MACC1: variants seen among roughly 807,000 people sequenced by gnomAD.
MACC1 encodes MET transcriptional regulator MACC1.
In MACC1, 79 loss-of-function variants were observed where a neutral mutation model predicts 70.7. That is an observed-to-expected ratio of 1.12 (90% confidence interval 0.93 to 1.35). The LOEUF (loss-of-function observed/expected upper bound fraction) is 1.35, where lower values mean the gene tolerates loss of function less well. Ranked by LOEUF, MACC1 falls within the 40% of genes most tolerant of loss-of-function variation. MACC1 has a pLI of 0.00. For missense variants in MACC1, 1,106 were observed against 978.1 expected, an observed-to-expected ratio of 1.13 and a Z score of -1.74; for synonymous variants, 361 against 347.2, an observed-to-expected ratio of 1.04 and a Z score of -0.44.
chr7:20,157,285 T>C (rs1364951583), intron 5 of MACC1, among the ~76,000 whole-genome samples: 1 of 152,122 alleles, frequency 6.6e-6, no homozygotes, highest in East Asian at 1.9e-4. Flanking sequence ...TATAAAATAT[T>C]GAATTTCTAC....
chr7:20,140,959 G>A lies in MACC1; in HGVS notation c.2546C>T (p.Ser849Phe). Residue 849 changes from serine (S) to phenylalanine (F), a missense_variant, in exon 7 of 7, where the codon TCT (serine) becomes TTT (phenylalanine). By Grantham distance (155) the Ser-to-Phe change is radical. Transcript: ENST00000400331. Reference sequence around the variant, plus strand: ...CACGCTTTGTTTCTATACTTCCTCAGAAGTGGAGAATGCAGTTACTCTCAA... The same window carrying A: ...CACGCTTTGTTTCTATACTTCCTCAAAAGTGGAGAATGCAGTTACTCTCAA... ...EVLRVTAFST[S>F]EEV The A allele has an allele frequency of 6.2e-7, 1 of 1,612,124 alleles. No individual in the cohort carries two copies. Among genetic ancestry groups the A allele is most frequent in the Non-Finnish European group, 8.5e-7 (1 of 1,178,862 alleles).
intron 1 of MACC1, among the ~76,000 whole-genome samples, chr7:20,175,724 C>G (rs1463960444): frequency 2.0e-5 from 3 of 152,108 alleles, no homozygotes; most frequent in Non-Finnish European, 2.9e-5. Context: ...GGCTTTTCTT[C>G]TATTTCTCCT....
intron 1 of MACC1, among the ~76,000 whole-genome samples, chr7:20,213,310 C>T (rs1047729825): frequency 1.3e-5 from 2 of 152,188 alleles, no homozygotes; most frequent in African/African-American, 4.8e-5. Flanking sequence ...AAAAGGAACG[C>T]TTATATGCCA....
At chr7:20,172,228 C>T (rs1251610984) in intron 1 of MACC1, among the ~76,000 whole-genome samples, 3 of 152,272 alleles carry the variant, frequency 2.0e-5, no homozygotes, top group Non-Finnish European at 4.4e-5. Flanking sequence ...AATGAACATA[C>T]GGGTTACAAG....
At chr7:20,154,165 T>A in intron 6 of MACC1, 28 bp downstream of exon 6, 1 of 1,611,986 alleles carries the variant, frequency 6.2e-7, no homozygotes, top group Non-Finnish European at 8.5e-7. Flanking sequence ...AACTTTTCAC[T>A]ATTGAATTAC....
Position 20,159,251 on chromosome 7 carries a change from G to A in MACC1, c.1110C>T (p.Thr370=), listed in dbSNP as rs1562585798. 6.2e-7 allele frequency: 1 copy of A among 1,613,848 alleles called. No homozygotes were observed. The highest frequency in any genetic ancestry group is 8.5e-7 in the Non-Finnish European group (1 of 1,179,952). ...ATTTGGGTCCATAAATTCCAATTGAGGTGGTTTTGTGGATATAATCCCAAA... is the reference window on the plus strand; with the variant it reads ...ATTTGGGTCCATAAATTCCAATTGAAGTGGTTTTGTGGATATAATCCCAAA... ...ATIWDYIHKT[T]SIGIYGPKYI... The change falls in exon 5 of 7, where the codon ACC becomes ACT. Residue 370 remains threonine (T), a synonymous_variant. Coordinates refer to ENST00000400331, the MANE Select transcript of MACC1 (RefSeq NM_182762.4).
intron 1 of MACC1, among the ~76,000 whole-genome samples, chr7:20,179,050 T>C (rs544897764): frequency 2.0e-5 from 3 of 152,230 alleles, no homozygotes; most frequent in African/African-American, 7.2e-5. Context: ...TTAACTTTTA[T>C]GAACTTTTAT....
chr7:20,162,726 A>G (rs905389016), intron 3 of MACC1, among the ~76,000 whole-genome samples: 3 of 152,174 alleles, frequency 2.0e-5, no homozygotes, highest in Non-Finnish European at 4.4e-5. Context: ...TTTGTTGTGC[A>G]TGCTAAAAAA....
Position 20,159,280 on chromosome 7 carries a change from T to C in MACC1, c.1081A>G (p.Thr361Ala). 6.2e-7 allele frequency: 1 copy of C among 1,614,062 alleles called. No homozygotes were observed. Among genetic ancestry groups the C allele is most frequent in the Non-Finnish European group, 8.5e-7 (1 of 1,179,994 alleles). The stretch of plus-strand genomic sequence containing the variant: ...GTTTTGTGGATATAATCCCAAATGG[T>C]GGCAGCTGGTGACGGAAGAGCTTTA... ...QAKALPSPAA[T>A]IWDYIHKTTS... Residue 361 changes from threonine (T) to alanine (A), a missense_variant, in exon 5 of 7, where the codon ACC (threonine) becomes GCC (alanine). Transcript: ENST00000400331.
chr7:20,161,737 A>T lies in MACC1; in HGVS notation c.115+11T>A, dbSNP rs748847397. On this transcript the variant is annotated intron_variant, in intron 4 of 6. Transcript: ENST00000400331. Reference sequence around the variant, plus strand: ...ACATGGACAAATCACAACAGTTATAAATTCCCATACCTGTAATATTGCAAC... The same window carrying T: ...ACATGGACAAATCACAACAGTTATATATTCCCATACCTGTAATATTGCAAC... 6.6e-7 allele frequency: 1 copy of T among 1,525,472 alleles called. No individual in the cohort carries two copies. The highest frequency in any genetic ancestry group is 2.3e-5 in the East Asian group (1 of 44,202). 94.5% of individuals were successfully genotyped at this position (1,525,472 alleles called of 1,614,324 possible). A position where few individuals can be genotyped will look rare whatever the true frequency, so the allele number is the denominator to read the frequency against.
rs567845310 is a variant in MACC1 at position 20,143,727 on chromosome 7, G to T, written c.2347-2569C>A. On this transcript the variant is annotated intron_variant, in intron 6 of 6. Coordinates refer to ENST00000400331, the MANE Select transcript of MACC1 (RefSeq NM_182762.4). The stretch of plus-strand genomic sequence containing the variant: ...TTTGTACTAACAACAGAGTAGTGTC[G>T]ATAGCTCTTGCAAATCAGAGAAATT... Among the ~76,000 whole-genome samples the T allele has an allele frequency of 1.4e-4, 21 of 152,158 alleles. No individual in the cohort carries two copies. The South Asian group carries it at 4.1e-3, about 30-fold the overall frequency.
At position 20,136,539 on chromosome 7, in the gene MACC1, G is replaced by A. The variant is rs898585016; in HGVS notation, c.*4407C>T. The A allele has an allele frequency of 6.6e-6, 1 of 152,138 alleles. No homozygotes were observed. Among genetic ancestry groups the A allele is most frequent in the Admixed American group, 6.5e-5 (1 of 15,280 alleles). The allele number at this position is 152,138 out of a possible 1,614,324, so 9.4% of individuals were successfully genotyped here. On this transcript the variant is annotated 3_prime_UTR_variant, in exon 7 of 7. Coordinates refer to ENST00000400331, the MANE Select transcript of MACC1 (RefSeq NM_182762.4). ...GATGCTGAACATCAGATACATTTCA[G>A]ATGCTGTATGTGTACAAATTCAACT...
Position 20,159,407 on chromosome 7 carries a change from G to T in MACC1, c.954C>A (p.Gly318=). ...AGCAGTTGCTTAAAACTTTAAAAGG[G>T]CCTTCTTTACCCAAGCTGTGTAAAC... ...MVCLHSLGKE[G]PFKVLSNCYI... Residue 318 remains glycine, a synonymous_variant, in exon 5 of 7, where the codon GGC becomes GGA. Coordinates refer to ENST00000400331, the MANE Select transcript of MACC1 (RefSeq NM_182762.4). The T allele has an allele frequency of 6.2e-7, 1 of 1,613,910 alleles. No homozygotes were observed. The highest frequency in any genetic ancestry group is 8.5e-7 in the Non-Finnish European group (1 of 1,180,002).
chr7:20,205,815 C>T (rs546486827), intron 1 of MACC1, among the ~76,000 whole-genome samples: 3 of 152,094 alleles, frequency 2.0e-5, no homozygotes, highest in African/African-American at 7.2e-5. Flanking sequence ...CAACCAAGAC[C>T]CCTCCCCAGA....
intron 1 of MACC1, among the ~76,000 whole-genome samples, chr7:20,195,628 A>C (rs1410625041): frequency 1.3e-5 from 2 of 152,196 alleles, no homozygotes; most frequent in Non-Finnish European, 2.9e-5. Flanking sequence ...TAGGACACAA[A>C]GGCACACAAG....
chr7:20,157,942 T>C lies in MACC1; in HGVS notation c.2157+262A>G, dbSNP rs547969390. On this transcript the variant is annotated intron_variant, in intron 5 of 6. Coordinates refer to ENST00000400331, the MANE Select transcript of MACC1 (RefSeq NM_182762.4). ...ACAGGAAGAGAAGTTGTATCTGAAC[T>C]GTTAAGCCCAGCACAAACAGAACTT... Among the ~76,000 whole-genome samples, 9 of 152,314 alleles carry C rather than the reference T, an allele frequency of 5.9e-5. No individual in the cohort carries two copies. The East Asian group carries it at 1.4e-3, about 23-fold the overall frequency.
chr7:20,208,962 G>T (rs77277467), intron 1 of MACC1, among the ~76,000 whole-genome samples: 2,293 of 152,344 alleles, frequency 0.015, 20 homozygotes, highest in Non-Finnish European at 0.022. Context: ...TCCAGAGACT[G>T]CAAGCCCCAA....
chr7:20,178,630 G>A (rs550027327), intron 1 of MACC1, among the ~76,000 whole-genome samples: 5 of 152,102 alleles, frequency 3.3e-5, no homozygotes, highest in South Asian at 2.1e-4. Context: ...ATGGAGTTTC[G>A]CTCTTGTTGC....
intron 1 of MACC1, among the ~76,000 whole-genome samples, chr7:20,211,868 G>A (rs1002598973): frequency 1.3e-5 from 2 of 152,062 alleles, no homozygotes; most frequent in African/African-American, 4.8e-5. Flanking sequence ...ATGAAAATAA[G>A]TTGTGCTGTA....
Sources: gnomAD v4.1 joint callset for allele counts (sites outside exome capture counted in the v4.1 genomes callset) on GRCh38, gnomAD v4.1.1 for gene constraint, MANE v1.5 for transcripts, NCBI Gene and HGNC (gene_info 2026-07-23, HGNC 2026-07-21) for gene names.